Variants in FOXO3 observed in about 807,000 individuals in gnomAD.
The protein encoded by FOXO3 is forkhead box protein O3.
A neutral mutation model predicts 41.9 loss-of-function variants in FOXO3; 4 were observed. The observed-to-expected ratio is 0.10, with a 90% confidence interval of 0.05 to 0.22. The LOEUF (loss-of-function observed/expected upper bound fraction) is 0.22, where lower values mean the gene tolerates loss of function less well. Among genes scored for constraint, FOXO3 ranks in the 10% least tolerant of loss-of-function variants. FOXO3 has a pLI of 1.00. For missense variants in FOXO3, 534 were observed against 906.8 expected, an observed-to-expected ratio of 0.59 and a Z score of 5.28; for synonymous variants, 318 against 389.3, an observed-to-expected ratio of 0.82 and a Z score of 2.16.
intron 1 of FOXO3, among the ~76,000 whole-genome samples, chr6:108,637,014 G>A (rs1778138477): frequency 2.0e-5 from 3 of 152,194 alleles, no homozygotes; most frequent in Admixed American, 2.0e-4. Flanking sequence ...GAGAGATGCA[G>A]ACTTCTGCAG....
chr6:108,615,940 T>C (rs1000504070), intron 1 of FOXO3, among the ~76,000 whole-genome samples: 2 of 151,942 alleles, frequency 1.3e-5, no homozygotes, highest in Non-Finnish European at 2.9e-5. Flanking sequence ...ATCTTCCAAT[T>C]TCCTGCCTTT....
intron 1 of FOXO3, among the ~76,000 whole-genome samples, chr6:108,653,377 G>T (rs1778599687): frequency 6.6e-6 from 1 of 152,064 alleles, no homozygotes; most frequent in African/African-American, 2.4e-5. Flanking sequence ...ACTGCACCCT[G>T]CATTTTATCT....
intron 1 of FOXO3, among the ~76,000 whole-genome samples, chr6:108,600,913 T>C (rs531745712): frequency 1.4e-4 from 22 of 152,352 alleles, no homozygotes; most frequent in African/African-American, 5.3e-4. Flanking sequence ...CCCCTTGTGT[T>C]AATATATTGC....
chr6:108,677,700 G>C (rs1393959795), intron 2 of FOXO3, among the ~76,000 whole-genome samples: 1 of 152,110 alleles, frequency 6.6e-6, no homozygotes, highest in Non-Finnish European at 1.5e-5. Context: ...GTTATTGTGA[G>C]GGGAAAAAAC....
intron 1 of FOXO3, among the ~76,000 whole-genome samples, chr6:108,593,712 CTTTTTTTTTT>C (rs34228633): frequency 2.4e-5 from 2 of 83,330 alleles, no homozygotes; most frequent in African/African-American, 5.2e-5. Context: ...TTTTCTTCTT[CTTTTTTTTTT>C]TTTTTTTTTT....
intron 1 of FOXO3, among the ~76,000 whole-genome samples, chr6:108,660,354 G>A (rs1778807831): frequency 6.6e-6 from 1 of 152,130 alleles, no homozygotes; most frequent in Non-Finnish European, 1.5e-5. Flanking sequence ...AACCGTAAAA[G>A]GAATCAGGAT....
At chr6:108,609,351 G>T (rs1022729515) in intron 1 of FOXO3, among the ~76,000 whole-genome samples, 1 of 152,314 alleles carries the variant, frequency 6.6e-6, no homozygotes, top group Admixed American at 6.5e-5. Context: ...TGAGGGCATT[G>T]TCTGCTATTG....
At chr6:108,655,241 C>T (rs1434267675) in intron 1 of FOXO3, among the ~76,000 whole-genome samples, 1 of 152,136 alleles carries the variant, frequency 6.6e-6, no homozygotes, top group East Asian at 1.9e-4. Context: ...CCCCTCACCT[C>T]ATGATTTTCA....
rs1160659389 is a variant in FOXO3 at position 108,590,434 on chromosome 6, G to A, written c.621+28605G>A. Reference sequence around the variant, plus strand: ...CACATCCAATCTCATGTAAGGGGTTGCAGTCAAAACTTTGTTCTGTGCACG... The same window carrying A: ...CACATCCAATCTCATGTAAGGGGTTACAGTCAAAACTTTGTTCTGTGCACG... On this transcript the variant is annotated intron_variant, in intron 1 of 2. Transcript: ENST00000406360. 2.0e-5 allele frequency among the ~76,000 whole-genome samples: 3 copies of A among 152,170 alleles called. No homozygotes were observed. The East Asian group carries it at 5.8e-4, about 29-fold the overall frequency.
chr6:108,577,251 G>A (rs1776287420), intron 1 of FOXO3, among the ~76,000 whole-genome samples: 1 of 151,748 alleles, frequency 6.6e-6, no homozygotes, highest in African/African-American at 2.4e-5. Context: ...CATGTTCTTT[G>A]GACTGTTACC....
At chr6:108,561,921 CT>C in intron 1 of FOXO3, 92 bp downstream of exon 1, 2 of 1,460,904 alleles carry the variant, frequency 1.4e-6, no homozygotes, top group Non-Finnish European at 1.8e-6. Flanking sequence ...CGCTTGCGGG[CT>C]CCAGGGCAAG....
At chr6:108,580,215 G>A (rs1185693862) in intron 1 of FOXO3, among the ~76,000 whole-genome samples, 1 of 118,470 alleles carries the variant, frequency 8.4e-6, no homozygotes, top group Non-Finnish European at 1.7e-5. Context: ...TTGAGATGGA[G>A]TCTCACTCTG....
intron 1 of FOXO3, among the ~76,000 whole-genome samples, chr6:108,573,069 G>A (rs1174276345): frequency 1.3e-5 from 2 of 151,962 alleles, no homozygotes; most frequent in Non-Finnish European, 1.5e-5. Context: ...GGCGGATCAC[G>A]AGGTCAGGAG....
chr6:108,593,791 A>G (rs1776798680), intron 1 of FOXO3, among the ~76,000 whole-genome samples: 1 of 129,578 alleles, frequency 7.7e-6, no homozygotes, highest in African/African-American at 3.1e-5. Flanking sequence ...ATCTTGGCTC[A>G]CTGCAACCTC....
At chr6:108,654,717 T>C (rs541679315) in intron 1 of FOXO3, among the ~76,000 whole-genome samples, 1 of 152,206 alleles carries the variant, frequency 6.6e-6, no homozygotes, top group African/African-American at 2.4e-5. Context: ...TTCCCAACAA[T>C]GTTTACTTTA....
intron 1 of FOXO3, among the ~76,000 whole-genome samples, chr6:108,590,215 C>G (rs960028896): frequency 2.0e-5 from 3 of 151,900 alleles, no homozygotes; most frequent in African/African-American, 7.3e-5. Flanking sequence ...ACTGGAACTC[C>G]TGGGCTCAAA....
Position 108,601,049 on chromosome 6 carries a change from C to T in FOXO3, c.621+39220C>T, listed in dbSNP as rs1777039009. Among the ~76,000 whole-genome samples, 3 of 152,130 alleles carry T rather than the reference C, an allele frequency of 2.0e-5. No homozygotes were observed. In the South Asian group the frequency reaches 6.2e-4, roughly 32 times the overall value. On this transcript the variant is annotated intron_variant, in intron 1 of 2. Coordinates refer to ENST00000406360, the MANE Select transcript of FOXO3 (RefSeq NM_001455.4). ...TTCTGACGGAGTCTTGCTCTGTCCG[C>T]CAGGCTGGAGTGCAGTGGCGCAATC...
At chr6:108,584,100 A>G (rs1251054591) in intron 1 of FOXO3, among the ~76,000 whole-genome samples, 1 of 152,188 alleles carries the variant, frequency 6.6e-6, no homozygotes, top group East Asian at 1.9e-4. Context: ...TCATCCATTT[A>G]GTTTCATTCC....
intron 1 of FOXO3, among the ~76,000 whole-genome samples, chr6:108,568,116 G>C (rs923866523): frequency 6.6e-6 from 1 of 151,974 alleles, no homozygotes; most frequent in African/African-American, 2.4e-5. Flanking sequence ...GAGAGGCTGA[G>C]GCAGGAGGAT....
Sources: allele counts gnomAD v4.1 joint callset (sites outside exome capture counted in the v4.1 genomes callset), GRCh38; gene constraint gnomAD v4.1.1; transcripts MANE v1.5; gene names NCBI Gene and HGNC (gene_info 2026-07-23, HGNC 2026-07-21).